The following TBC1D19 variants were observed in gnomAD, a reference collection of about 807,000 sequenced individuals.
The protein encoded by TBC1D19 is TBC1 domain family, member 19.
In TBC1D19, 60 loss-of-function variants were observed where a neutral mutation model predicts 89.0. The ratio of observed to expected loss-of-function variants is 0.67; its 90% confidence interval spans 0.55 to 0.84. The LOEUF (loss-of-function observed/expected upper bound fraction) is 0.84, where lower values mean the gene tolerates loss of function less well. Ranked by LOEUF, TBC1D19 falls within the 40% of genes least tolerant of loss-of-function variation. The pLI is 0.00. For synonymous variants in TBC1D19, 189 were observed against 199.7 expected (o/e 0.95, Z 0.45); for missense variants, 500 against 610.8 (o/e 0.82, Z 1.91).
the TBC1D19 span, among the ~76,000 whole-genome samples, chr4:26,837,222 G>A: frequency 6.6e-6 from 1 of 152,204 alleles, no homozygotes; most frequent in Non-Finnish European, 1.5e-5. Context: ...GGGTGGAAAA[G>A]TTTGTACTGG....
intron 7 of TBC1D19, among the ~76,000 whole-genome samples, chr4:26,643,938 T>A (rs949022667): frequency 3.6e-4 from 55 of 152,028 alleles, no homozygotes; most frequent in African/African-American, 1.3e-3. Context: ...ATTAATAGCC[T>A]CCCAACCAAA....
chr4:26,813,629 G>A, the TBC1D19 span, among the ~76,000 whole-genome samples: 1 of 152,184 alleles, frequency 6.6e-6, no homozygotes, highest in East Asian at 1.9e-4. Context: ...CTTCAGATAA[G>A]GTACTGTGGG....
the TBC1D19 span, among the ~76,000 whole-genome samples, chr4:26,817,394 T>C: frequency 6.6e-6 from 1 of 152,100 alleles, no homozygotes; most frequent in Non-Finnish European, 1.5e-5. Context: ...CTAATAGGCA[T>C]TAGTGTTGTT....
chr4:26,634,562 T>C (rs1486993170), intron 4 of TBC1D19, among the ~76,000 whole-genome samples: 2 of 152,178 alleles, frequency 1.3e-5, no homozygotes, highest in Non-Finnish European at 2.9e-5. Flanking sequence ...CAGTTAATTT[T>C]ATGCAGTTGT....
intron 10 of TBC1D19, among the ~76,000 whole-genome samples, chr4:26,673,376 G>T (rs544476942): frequency 6.7e-6 from 1 of 148,650 alleles, no homozygotes; most frequent in Non-Finnish European, 1.5e-5. Flanking sequence ...GAAATTTGGG[G>T]TTTCCGTAGC....
intron 1 of TBC1D19, among the ~76,000 whole-genome samples, chr4:26,595,370 T>C (rs763675436): frequency 2.6e-5 from 4 of 152,210 alleles, no homozygotes; most frequent in Non-Finnish European, 5.9e-5. Context: ...GGCTAGTCTT[T>C]TTATTTTCTT....
At chr4:26,707,970 T>A (rs1160748726) in intron 13 of TBC1D19, among the ~76,000 whole-genome samples, 1 of 152,108 alleles carries the variant, frequency 6.6e-6, no homozygotes, top group East Asian at 1.9e-4. Context: ...GATTTTTAAA[T>A]AATGACTTTT....
chr4:26,824,374 T>C, the TBC1D19 span, among the ~76,000 whole-genome samples: 1 of 152,246 alleles, frequency 6.6e-6, no homozygotes, highest in South Asian at 2.1e-4. Context: ...CTAACACAGA[T>C]ATGAAGTATC....
At chr4:26,752,958 C>T (rs1350802535) in intron 19 of TBC1D19, among the ~76,000 whole-genome samples, 1 of 152,052 alleles carries the variant, frequency 6.6e-6, no homozygotes, top group Non-Finnish European at 1.5e-5. Context: ...CATGCTTGGC[C>T]TCCAGTGTTG....
chr4:26,636,828 A>G (rs1565303), intron 4 of TBC1D19, among the ~76,000 whole-genome samples: 90,442 of 151,856 alleles, frequency 0.6, 27,428 homozygotes, highest in African/African-American at 0.69. Flanking sequence ...CTTTTACTAG[A>G]TCATTAATGA....
chr4:26,793,568 C>T, the TBC1D19 span, among the ~76,000 whole-genome samples: 3 of 151,854 alleles, frequency 2.0e-5, no homozygotes, highest in Non-Finnish European at 4.4e-5. Flanking sequence ...ACTAATAGTA[C>T]AAAAATTAGC....
chr4:26,842,583 C>CCTTCCTTCCTTCCTTTCTTTCTTT, the TBC1D19 span, among the ~76,000 whole-genome samples: 1 of 70,536 alleles, frequency 1.4e-5, no homozygotes. Flanking sequence ...TTCCTCCCTC[C>CCTTCCTTCCTTCCTTTCTTTCTTT]CTTTCTTTCT....
At chr4:26,670,084 T>C (rs1712157350) in intron 9 of TBC1D19, among the ~76,000 whole-genome samples, 2 of 151,722 alleles carry the variant, frequency 1.3e-5, no homozygotes, top group African/African-American at 4.8e-5. Context: ...TGCTGCAGTA[T>C]TACATCTGCT....
intron 2 of TBC1D19, 48 bp downstream of exon 2, chr4:26,613,289 T>C: frequency 1.7e-6 from 2 of 1,193,482 alleles, no homozygotes; most frequent in Non-Finnish European, 1.2e-6. Context: ...GAAAATGTTT[T>C]ATTTATTCCT....
chr4:26,598,846 G>A (rs1229797904), intron 1 of TBC1D19, among the ~76,000 whole-genome samples: 1 of 152,004 alleles, frequency 6.6e-6, no homozygotes, highest in Non-Finnish European at 1.5e-5. Context: ...ACATCAGGAG[G>A]TGAATCCTTG....
intron 11 of TBC1D19, among the ~76,000 whole-genome samples, chr4:26,678,475 A>T (rs901663152): frequency 3.3e-5 from 5 of 151,888 alleles, no homozygotes; most frequent in Non-Finnish European, 7.4e-5. Context: ...TTTATGTAAG[A>T]GGTGGGCAGG....
At chr4:26,736,481 A>C (rs1233869324) in intron 16 of TBC1D19, among the ~76,000 whole-genome samples, 3 of 151,250 alleles carry the variant, frequency 2.0e-5, no homozygotes, top group Admixed American at 6.6e-5. Flanking sequence ...CCAGCATGGC[A>C]CATGTATACG....
intron 18 of TBC1D19, among the ~76,000 whole-genome samples, chr4:26,745,497 C>CTTTTTTTTTTTT (rs71186486): frequency 2.5e-5 from 1 of 40,550 alleles, no homozygotes; most frequent in Non-Finnish European, 4.2e-5. Context: ...CAATATACTT[C>CTTTTTTTTTTTT]TTTTTTTTTT....
At chr4:26,711,057 CTT>C (rs1716152182) in intron 13 of TBC1D19, among the ~76,000 whole-genome samples, 1 of 152,118 alleles carries the variant, frequency 6.6e-6, no homozygotes, top group Admixed American at 6.6e-5. Context: ...TCAGTTTTGG[CTT>C]TTGTTGCCAT....
Sources: allele counts gnomAD v4.1 joint callset (sites outside exome capture counted in the v4.1 genomes callset), GRCh38; gene constraint gnomAD v4.1.1; transcripts MANE v1.5; gene names NCBI Gene and HGNC (gene_info 2026-07-23, HGNC 2026-07-21).